The following FURIN variants were observed in gnomAD, a reference collection of about 807,000 sequenced individuals.
FURIN encodes furin, paired basic amino acid cleaving enzyme.
Under a neutral mutation model 89.2 loss-of-function variants are expected in FURIN, and 18 were observed. The observed-to-expected ratio is 0.20, with a 90% CI of 0.14 to 0.30. FURIN has a LOEUF of 0.30. FURIN is among the 10% of genes least tolerant of loss of function. The probability of loss-of-function intolerance (pLI) is 1.00; values close to 1 mark genes in which losing one functional copy is unlikely to be tolerated. For missense variants in FURIN, 879 were observed against 1,100.5 expected (o/e 0.80, Z 2.85); for synonymous variants, 508 against 466.4 (o/e 1.09, Z -1.15).
chr15:90,872,561 AT>A (rs754892953), intron 1 of FURIN, among the ~76,000 whole-genome samples: 37 of 152,198 alleles, frequency 2.4e-4, no homozygotes, highest in Middle Eastern at 6.8e-3. Flanking sequence ...TCGTTTTACT[AT>A]TTCCTATATT....
At position 90,877,069 on chromosome 15, in the gene FURIN, T is replaced by C. The variant is rs747702573; in HGVS notation, c.501+45T>C. On this transcript the variant is annotated intron_variant, in intron 5 of 15. Coordinates refer to ENST00000268171, the MANE Select transcript of FURIN (RefSeq NM_002569.4). Reference sequence around the variant, plus strand: ...AGGCCGTGATCCCTGCTGAGGTGTGTCTAGAGGCTGTCTTGTTCTATCAGT... The same window carrying C: ...AGGCCGTGATCCCTGCTGAGGTGTGCCTAGAGGCTGTCTTGTTCTATCAGT... The C allele has an allele frequency of 5.0e-6, 8 of 1,613,020 alleles. No individual in the cohort carries two copies. The Admixed American group carries it at 1.3e-4, about 27-fold the overall frequency.
intron 6 of FURIN, 62 bp downstream of exon 6, chr15:90,877,273 C>T (rs1169422239): frequency 1.5e-6 from 2 of 1,353,486 alleles, no homozygotes; most frequent in Non-Finnish European, 2.0e-6. Context: ...AGGAACAGGG[C>T]TGAGCCTGGG....
chr15:90,881,399 ATCC>A lies in FURIN; in HGVS notation c.1907_1909del (p.Ile636del). 1 of 1,612,598 alleles carries A rather than the reference ATCC, an allele frequency of 6.2e-7. No individual in the cohort carries two copies. Among genetic ancestry groups the A allele is most frequent in the Non-Finnish European group, 8.5e-7 (1 of 1,179,910 alleles). Reference sequence around the variant, plus strand: ...TAGCACCGAGAATGACGTGGAGACCATCCGGGCCAGCGTCTGCGCCCCCTGCCA... The same window carrying A: ...TAGCACCGAGAATGACGTGGAGACCAGGGCCAGCGTCTGCGCCCCCTGCCA... On this transcript the variant is annotated inframe_deletion, in exon 16 of 16. Coordinates refer to ENST00000268171, the MANE Select transcript of FURIN (RefSeq NM_002569.4). This position sits in a 1 kb window ranked among gnomAD's most constrained non-coding sequence, Gnocchi z 4.3.
At chr15:90,877,425 A>G in intron 6 of FURIN, 102 bp from the exon 7 acceptor site, 1 of 982,060 alleles carries the variant, frequency 1.0e-6, no homozygotes, top group Non-Finnish European at 1.5e-6. Context: ...TCAGGGGATG[A>G]TGGGTGTCGG....
At position 90,881,278 on chromosome 15, in the gene FURIN, G is replaced by C; in HGVS notation, c.1793-8G>C. On this transcript the variant is annotated splice_polypyrimidine_tract_variant and splice_region_variant and intron_variant, in intron 15 of 15. Coordinates refer to ENST00000268171, the MANE Select transcript of FURIN (RefSeq NM_002569.4). This position sits in a 1 kb window ranked among gnomAD's most constrained non-coding sequence, Gnocchi z 4.3. ...GACACACACTTGCCCTCTCTCCCAC[G>C]CCGGCAGTGTGCGAGGAAGGCTTCT... 6.3e-7 allele frequency: 1 copy of C among 1,581,636 alleles called. No individual in the cohort carries two copies. The highest frequency in any genetic ancestry group is 1.1e-5 in the South Asian group (1 of 88,742).
In FURIN at chr15:90,881,173, G is replaced by C; in HGVS notation, c.1793-113G>C. On this transcript the variant is annotated intron_variant, in intron 15 of 15. Coordinates refer to ENST00000268171, the MANE Select transcript of FURIN (RefSeq NM_002569.4). The surrounding 1 kb of genome is among the most constrained non-coding windows in gnomAD (Gnocchi z 4.3). The stretch of plus-strand genomic sequence containing the variant: ...CCCTGGGGCTCTTGGGATGACCACA[G>C]TCCTGGGGCTGGAGGATCCTGGGGA... 9.1e-7 allele frequency: 1 copy of C among 1,103,942 alleles called. No individual in the cohort carries two copies. The highest frequency in any genetic ancestry group is 1.3e-6 in the Non-Finnish European group (1 of 748,888). The allele number at this position is 1,103,942 out of a possible 1,614,324, so 68.4% of individuals were successfully genotyped here. A position where few individuals can be genotyped will look rare whatever the true frequency, so the allele number is the denominator to read the frequency against.
rs554402199 is a variant in FURIN at position 90,876,806 on chromosome 15, G to A, written c.373-90G>A. The A allele has an allele frequency of 3.7e-4, 533 of 1,433,670 alleles. 3 individuals are homozygous for A. In the Middle Eastern group the frequency reaches 5.9e-3, roughly 16 times the overall value. The allele number at this position is 1,433,670 out of a possible 1,614,324, so 88.8% of individuals were successfully genotyped here. A position where few individuals can be genotyped will look rare whatever the true frequency, so the allele number is the denominator to read the frequency against. On this transcript the variant is annotated intron_variant, in intron 4 of 15. Transcript: ENST00000268171. This position sits in a 1 kb window ranked among gnomAD's most constrained non-coding sequence, Gnocchi z 5.0. ...AGGAGCAGGGATGGTACAGGAGGAGGTTTTACGGGGGCAAAGGGATTCTTC... is the reference window on the plus strand; with the variant it reads ...AGGAGCAGGGATGGTACAGGAGGAGATTTTACGGGGGCAAAGGGATTCTTC...
chr15:90,873,086 CTGGGA>C (rs1278232306), intron 1 of FURIN: 3 of 152,292 alleles, frequency 2.0e-5, no homozygotes, highest in Admixed American at 6.5e-5. Context: ...TTGAGACAAA[CTGGGA>C]CTAGAGGGTG....
chr15:90,870,112 T>C (rs1240601597), intron 1 of FURIN, among the ~76,000 whole-genome samples: 1 of 152,242 alleles, frequency 6.6e-6, no homozygotes, highest in Non-Finnish European at 1.5e-5. Context: ...GCAGTGTTTG[T>C]AAAGGTGCCC....
In FURIN at chr15:90,880,706, C is replaced by T. The variant is rs752076063; in HGVS notation, c.1572C>T (p.Ser524=). ...TLLAARPHDY[S]ADGFNDWAFM... is the part of the protein sequence containing the mutation. ...CCCTCCCCAGGCCACATGACTACTC[C>T]GCAGATGGGTTTAATGACTGGGCCT... is the stretch of plus-strand genomic sequence containing the variant. The change falls in exon 14 of 16, where the codon TCC becomes TCT. Residue 524 remains serine, a synonymous_variant. Coordinates refer to ENST00000268171, the MANE Select transcript of FURIN (RefSeq NM_002569.4). 6.8e-6 allele frequency: 11 copies of T among 1,613,560 alleles called. No homozygotes were observed. The highest frequency in any genetic ancestry group is 2.2e-5 in the East Asian group (1 of 44,898).
In FURIN at chr15:90,881,709, G is replaced by A. The variant is rs1395336076; in HGVS notation, c.2216G>A (p.Arg739His). ...ACTGTCTTCCTGGTCCTGCAGCTGC[G>A]CTCTGGCTTTAGTTTTCGGGGGGTG... ...FVTVFLVLQL[R>H]SGFSFRGVKV... The change falls in exon 16 of 16, where the codon CGC becomes CAC. Residue 739 changes from arginine (R) to histidine (H), a missense_variant. This residue lies in a region of FURIN where 457 missense variants were observed against 490.7 expected (regional missense o/e 0.93). Coordinates refer to ENST00000268171, the MANE Select transcript of FURIN (RefSeq NM_002569.4). This position sits in a 1 kb window ranked among gnomAD's most constrained non-coding sequence, Gnocchi z 4.3. The A allele has an allele frequency of 2.5e-6, 4 of 1,594,034 alleles. No individual in the cohort carries two copies. Among genetic ancestry groups the A allele is most frequent in the South Asian group, 1.1e-5 (1 of 88,596 alleles).
At position 90,878,138 on chromosome 15, in the gene FURIN, G is replaced by A; in HGVS notation, c.674G>A (p.Arg225His). The change falls in exon 8 of 16, where the codon CGC becomes CAC. Residue 225 changes from arginine (R) to histidine (H), a missense_variant. By Grantham distance (29) the Arg-to-His change is conservative. Transcript: ENST00000268171. The stretch of plus-strand genomic sequence containing the variant: ...GCCCCCCCTTCACGGCCAGGGGTGC[G>A]CATGCTGGATGGCGAGGTGACAGAT... ...VAYNARIGGVRMLDGEVTDAV... is the reference protein window; with the variant it reads ...VAYNARIGGVHMLDGEVTDAV... 1.2e-6 allele frequency: 2 copies of A among 1,613,718 alleles called. No individual in the cohort carries two copies. Among genetic ancestry groups the A allele is most frequent in the Non-Finnish European group, 1.7e-6 (2 of 1,179,992 alleles).
In FURIN at chr15:90,876,269, T is replaced by C; in HGVS notation, c.192T>C (p.Tyr64=). The C allele has an allele frequency of 6.2e-7, 1 of 1,608,444 alleles. No individual in the cohort carries two copies. Among genetic ancestry groups the C allele is most frequent in the Non-Finnish European group, 8.5e-7 (1 of 1,175,062 alleles). The part of the protein sequence containing the change: ...FLNLGQIFGD[Y]YHFWHRGVTK... ...CTCTATTGCAGATCTTCGGGGACTA[T>C]TACCACTTCTGGCATCGAGGAGTGA... The change falls in exon 3 of 16, where the codon TAT becomes TAC. Residue 64 remains tyrosine, a synonymous_variant. Coordinates refer to ENST00000268171, the MANE Select transcript of FURIN (RefSeq NM_002569.4). The surrounding 1 kb of genome is among the most constrained non-coding windows in gnomAD (Gnocchi z 5.0).
intron 8 of FURIN, 93 bp downstream of exon 8, chr15:90,878,397 T>A: frequency 9.4e-7 from 1 of 1,060,030 alleles, no homozygotes; most frequent in African/African-American, 1.6e-5. Context: ...TTTATTCTCA[T>A]GTTTAACTTT....
chr15:90,879,583 A>G (rs921234778), intron 10 of FURIN, 39 bp downstream of exon 10: 5 of 1,550,628 alleles, frequency 3.2e-6, no homozygotes, highest in Non-Finnish European at 4.5e-6. Context: ...TGTCCCTACC[A>G]GCACTCTCTG....
At position 90,875,619 on chromosome 15, in the gene FURIN, C is replaced by T. The variant is rs902660387; in HGVS notation, c.-122C>T. On this transcript the variant is annotated 5_prime_UTR_variant, in exon 2 of 16. Transcript: ENST00000268171. ...TCACCCTCCCGAGCCCTGCCCGTCTCGGCCCCATGCCCCCACCAGTCAGCC... is the reference window on the plus strand; with the variant it reads ...TCACCCTCCCGAGCCCTGCCCGTCTTGGCCCCATGCCCCCACCAGTCAGCC... 3.5e-5 allele frequency: 29 copies of T among 826,834 alleles called. No homozygotes were observed. Among genetic ancestry groups the T allele is most frequent in the Admixed American group, 1.5e-4 (5 of 33,522 alleles). The allele number at this position is 826,834 out of a possible 1,614,324, so 51.2% of individuals were successfully genotyped here.
rs561843014 is a variant in FURIN at position 90,879,904 on chromosome 15, C to A, written c.1296C>A (p.Gly432=). ...ATGGCTACGGGCTTTTGGACGCAGG[C>A]GCCATGGTGGCCCTGGCCCAGAATT... ...HSYGYGLLDA[G]AMVALAQNWT... is the part of the protein sequence containing the mutation. The change falls in exon 12 of 16, where the codon GGC becomes GGA. Residue 432 remains glycine, a synonymous_variant. Coordinates refer to ENST00000268171, the MANE Select transcript of FURIN (RefSeq NM_002569.4). 50 of 1,613,434 alleles carry A rather than the reference C, an allele frequency of 3.1e-5. No homozygotes were observed. The highest frequency in any genetic ancestry group is 3.8e-5 in the Non-Finnish European group (45 of 1,179,978).
At chr15:90,880,623 T>C (rs2031906616) in intron 13 of FURIN, 68 bp from the exon 14 acceptor site, 9 of 1,535,272 alleles carry the variant, frequency 5.9e-6, no homozygotes, top group African/African-American at 1.4e-5. Flanking sequence ...GCCCATGTGC[T>C]GTGGGTTAGA....
intron 8 of FURIN, 45 bp downstream of exon 8, chr15:90,878,349 G>A (rs937581358): frequency 4.8e-6 from 7 of 1,455,674 alleles, no homozygotes; most frequent in Non-Finnish European, 6.5e-6. Context: ...GTTGGGTGCT[G>A]TCTTCCGTAC....
Sources: allele counts gnomAD v4.1 joint callset (sites outside exome capture counted in the v4.1 genomes callset), GRCh38; gene constraint gnomAD v4.1.1; regional missense constraint gnomAD v4.1.1; non-coding constraint Gnocchi (gnomAD v3.1); transcripts MANE v1.5; gene names NCBI Gene and HGNC (gene_info 2026-07-23, HGNC 2026-07-21).